The following PCDH15 variants were observed in gnomAD, a reference collection of about 807,000 sequenced individuals.
The protein encoded by PCDH15 is protocadherin-15.
A neutral mutation model predicts 178.5 loss-of-function variants in PCDH15; 129 were observed. That is an observed-to-expected ratio of 0.72 (90% CI 0.63 to 0.84). The LOEUF (loss-of-function observed/expected upper bound fraction) is 0.84. Among genes scored for constraint, PCDH15 ranks in the 40% least tolerant of loss-of-function variants. The pLI, the probability that PCDH15 is intolerant of heterozygous loss-of-function variation, is 0.00. For missense variants in PCDH15, 2,230 were observed against 2,099.9 expected, an observed-to-expected ratio of 1.06 and a Z score of -1.21; for synonymous variants, 800 against 732.0, an observed-to-expected ratio of 1.09 and a Z score of -1.50.
chr10:55,616,548 G>A (rs868525997), intron 2 of PCDH15, among the ~76,000 whole-genome samples: 2 of 151,392 alleles, frequency 1.3e-5, no homozygotes, highest in South Asian at 4.2e-4. Flanking sequence ...AACTCTCTGA[G>A]TGATACAGAA....
At chr10:54,657,320 T>C (rs921245862) in intron 2 of PCDH15, among the ~76,000 whole-genome samples, 2 of 152,112 alleles carry the variant, frequency 1.3e-5, no homozygotes, top group African/African-American at 4.8e-5. Flanking sequence ...CATTGAAACA[T>C]TGCCACAGCC....
At chr10:55,116,068 T>C (rs113261239) in intron 2 of PCDH15, among the ~76,000 whole-genome samples, 139 of 152,286 alleles carry the variant, frequency 9.1e-4, no homozygotes, top group African/African-American at 3.1e-3. Context: ...GAGGACACTG[T>C]AATCTTAAGG....
chr10:54,615,989 T>G (rs2093132531), intron 2 of PCDH15, among the ~76,000 whole-genome samples: 1 of 152,106 alleles, frequency 6.6e-6, no homozygotes. Flanking sequence ...CAGTGGACTA[T>G]ACTTGGAAAT....
At chr10:54,231,291 G>C (rs946627400) in intron 9 of PCDH15, among the ~76,000 whole-genome samples, 1 of 152,214 alleles carries the variant, frequency 6.6e-6, no homozygotes, top group African/African-American at 2.4e-5. Context: ...CTCTGCTTCA[G>C]AGCATGCAAG....
At chr10:55,454,780 CAAAA>C (rs10606669) in intron 2 of PCDH15, among the ~76,000 whole-genome samples, 18 of 98,314 alleles carry the variant, frequency 1.8e-4, no homozygotes, top group East Asian at 1.3e-3. Context: ...GACTCTGTCT[CAAAA>C]AAAAAAAAAA....
At chr10:54,396,094 C>T (rs1951183507) in intron 3 of PCDH15, among the ~76,000 whole-genome samples, 1 of 152,078 alleles carries the variant, frequency 6.6e-6, no homozygotes, top group East Asian at 1.9e-4. Context: ...AAAAAATATC[C>T]CCCTTCCCCT....
At position 55,264,712 on chromosome 10, in the gene PCDH15, C is replaced by T. The variant is rs1359906823; in HGVS notation, c.-156+54887G>A. Among the ~76,000 whole-genome samples the T allele has an allele frequency of 2.6e-5, 4 of 152,056 alleles. No individual in the cohort carries two copies. The East Asian group carries it at 7.7e-4, about 29-fold the overall frequency. The stretch of plus-strand genomic sequence containing the variant: ...CCTGAACCACTGGGACTGTTTTGAC[C>T]CTCAAAATCTGAAGGAAAAACTCCT... On this transcript the variant is annotated intron_variant, in intron 1 of 5. Coordinates refer to the PCDH15 transcript ENST00000458638.
chr10:54,493,350 T>G (rs368819543), intron 3 of PCDH15, among the ~76,000 whole-genome samples: 5 of 152,184 alleles, frequency 3.3e-5, no homozygotes, highest in Admixed American at 2.0e-4. Context: ...TAGATTATGG[T>G]GCCTCCTACA....
chr10:54,829,333 A>G (rs377072378), intron 3 of PCDH15, among the ~76,000 whole-genome samples: 3 of 151,714 alleles, frequency 2.0e-5, no homozygotes, highest in African/African-American at 4.8e-5. Flanking sequence ...CAATGCTGCT[A>G]CTACTACTAC....
intron 1 of PCDH15, among the ~76,000 whole-genome samples, chr10:55,215,341 G>A (rs1457736759): frequency 6.6e-6 from 1 of 152,124 alleles, no homozygotes; most frequent in Non-Finnish European, 1.5e-5. Context: ...ACTTAGGCCT[G>A]ATGTAGTTAG....
At chr10:54,760,342 A>G (rs768667112) in intron 1 of PCDH15, among the ~76,000 whole-genome samples, 4 of 151,694 alleles carry the variant, frequency 2.6e-5, no homozygotes, top group Non-Finnish European at 4.4e-5. Flanking sequence ...TTTAAAACAG[A>G]TGGGATGAAC....
At chr10:55,024,176 TAGAG>T (rs961948545) in intron 2 of PCDH15, among the ~76,000 whole-genome samples, 2 of 146,618 alleles carry the variant, frequency 1.4e-5, no homozygotes, top group East Asian at 2.0e-4. Flanking sequence ...GGAATATATA[TAGAG>T]AGAGGAAGGA....
chr10:55,235,803 A>T (rs182256327), intron 1 of PCDH15, among the ~76,000 whole-genome samples: 57 of 147,912 alleles, frequency 3.9e-4, no homozygotes, highest in African/African-American at 1.3e-3. Context: ...GCTACTTGGG[A>T]GGCTGAGGCA....
At chr10:55,193,640 T>C (rs1027996547) in intron 1 of PCDH15, among the ~76,000 whole-genome samples, 5 of 152,048 alleles carry the variant, frequency 3.3e-5, no homozygotes, top group African/African-American at 1.2e-4. Context: ...AATTCTCATA[T>C]GCTAAGTTAC....
At chr10:54,007,888 C>T (rs2092438396) in intron 20 of PCDH15, among the ~76,000 whole-genome samples, 1 of 152,018 alleles carries the variant, frequency 6.6e-6, no homozygotes. Context: ...ATGTTATCAA[C>T]AAAACAGCTT....
At chr10:54,030,305 A>G (rs1346112158) in intron 18 of PCDH15, among the ~76,000 whole-genome samples, 2 of 151,922 alleles carry the variant, frequency 1.3e-5, no homozygotes, top group Non-Finnish European at 1.5e-5. Context: ...CCTTCATGAC[A>G]TTATTAGTGA....
chr10:55,060,448 G>C lies in PCDH15; in HGVS notation c.-80+106128C>G, dbSNP rs191261129. On this transcript the variant is annotated intron_variant, in intron 2 of 5. Transcript: ENST00000458638. ...AGTTTCCACATCTCTAAATTGAAAGGAAAACACAAACATGTAGTTTGGGTT... is the reference window on the plus strand; with the variant it reads ...AGTTTCCACATCTCTAAATTGAAAGCAAAACACAAACATGTAGTTTGGGTT... 3.1e-3 allele frequency among the ~76,000 whole-genome samples: 467 copies of C among 152,006 alleles called. 3 individuals carry two copies. The highest frequency in any genetic ancestry group is 0.011 in the African/African-American group (456 of 41,500).
chr10:55,058,456 T>C (rs1269895374), intron 2 of PCDH15, among the ~76,000 whole-genome samples: 2 of 152,128 alleles, frequency 1.3e-5, no homozygotes, highest in Non-Finnish European at 2.9e-5. Flanking sequence ...GTGATCCACC[T>C]GTCTCGGCTC....
intron 25 of PCDH15, among the ~76,000 whole-genome samples, chr10:53,925,252 G>A (rs886193597): frequency 2.0e-4 from 31 of 152,220 alleles, no homozygotes; most frequent in Admixed American, 1.7e-3. Context: ...AGGCCAGCGA[G>A]ACCACGAACC....
Sources: allele counts gnomAD v4.1 joint callset (sites outside exome capture counted in the v4.1 genomes callset), GRCh38; gene constraint gnomAD v4.1.1; transcripts MANE v1.5; gene names NCBI Gene and HGNC (gene_info 2026-07-23, HGNC 2026-07-21).